Variants in SHTN1 observed in about 807,000 individuals in gnomAD.
SHTN1 encodes shootin-1.
Under a neutral mutation model 83.1 loss-of-function variants are expected in SHTN1, and 42 were observed. The observed-to-expected ratio is 0.51, with a 90% CI of 0.39 to 0.65. The LOEUF (loss-of-function observed/expected upper bound fraction) is 0.65. SHTN1 is among the 30% of genes least tolerant of loss of function. The probability of loss-of-function intolerance (pLI) is 0.00; values close to 1 mark genes in which losing one functional copy is unlikely to be tolerated. For missense variants in SHTN1, 622 were observed against 737.8 expected (o/e 0.84, Z 1.82); for synonymous variants, 224 against 247.7 (o/e 0.90, Z 0.90).
At chr10:116,924,150 C>G (rs914220655) in intron 11 of SHTN1, among the ~76,000 whole-genome samples, 1 of 152,112 alleles carries the variant, frequency 6.6e-6, no homozygotes, top group African/African-American at 2.4e-5. Flanking sequence ...GAAATAAGCA[C>G]ATTTTATTCT....
intron 2 of SHTN1, among the ~76,000 whole-genome samples, chr10:117,016,889 G>A (rs1852188519): frequency 1.3e-5 from 2 of 152,108 alleles, no homozygotes; most frequent in Admixed American, 1.3e-4. Context: ...ATGGGTTAAT[G>A]TACATATACA....
chr10:117,100,901 A>G (rs1216188638), intron 1 of SHTN1, among the ~76,000 whole-genome samples: 1 of 152,208 alleles, frequency 6.6e-6, no homozygotes. Flanking sequence ...GAGAGTAGTG[A>G]CTAACATAGA....
In SHTN1 at chr10:117,073,091, T is replaced by A. The variant is rs925131100; in HGVS notation, c.-188-24581A>T. ...GCTCTGGAAAGTCTCAGCAATAGAA[T>A]TGAACAAGTAAAAGAAAGAAATTCA... is the stretch of plus-strand genomic sequence containing the variant. On this transcript the variant is annotated intron_variant, in intron 1 of 17. Coordinates refer to the SHTN1 transcript ENST00000392901. Among the ~76,000 whole-genome samples the A allele has an allele frequency of 2.0e-5, 3 of 152,230 alleles. No homozygotes were observed. In the East Asian group the frequency reaches 5.8e-4, roughly 29 times the overall value.
intron 3 of SHTN1, among the ~76,000 whole-genome samples, chr10:116,963,008 T>C (rs1488494719): frequency 7.0e-6 from 1 of 142,248 alleles, no homozygotes; most frequent in African/African-American, 2.6e-5. Flanking sequence ...AATATGTAAA[T>C]TTATTTGCAC....
In SHTN1 at chr10:116,885,387, T is replaced by G. The variant is rs544487042; in HGVS notation, c.*957A>C. 10 of 152,748 alleles carry G rather than the reference T, an allele frequency of 6.5e-5. No individual in the cohort carries two copies. The East Asian group carries it at 1.9e-3, about 29-fold the overall frequency. The allele number at this position is 152,748 out of a possible 1,614,324, so 9.5% of individuals were successfully genotyped here. On this transcript the variant is annotated 3_prime_UTR_variant, in exon 17 of 17. Coordinates refer to ENST00000355371, the MANE Select transcript of SHTN1 (RefSeq NM_001127211.3). The stretch of plus-strand genomic sequence containing the variant: ...TTTTAATCCCTGATTACATTTCTAT[T>G]TATTCACTGTGGTAGCCTGAAACAT...
chr10:116,905,208 CAAAA>C (rs772309175), intron 15 of SHTN1, among the ~76,000 whole-genome samples: 1 of 63,416 alleles, frequency 1.6e-5, no homozygotes. Context: ...GACTCCGTCT[CAAAA>C]AAAAAAAAAA....
At position 116,884,194 on chromosome 10, in the gene SHTN1, T is replaced by C. The variant is rs1847100257; in HGVS notation, c.*2150A>G. ...TTTGTGTGTGCAATAGCTATGAACATACCTTGCAGATATAAGCACGGTTCT... is the reference window on the plus strand; with the variant it reads ...TTTGTGTGTGCAATAGCTATGAACACACCTTGCAGATATAAGCACGGTTCT... On this transcript the variant is annotated 3_prime_UTR_variant, in exon 17 of 17. Transcript: ENST00000355371. The C allele has an allele frequency of 4.4e-6, 2 of 456,692 alleles. No homozygotes were observed. The highest frequency in any genetic ancestry group is 2.0e-5 in the African/African-American group (1 of 50,092). The allele number at this position is 456,692 out of a possible 1,614,324, so 28.3% of individuals were successfully genotyped here. A position where few individuals can be genotyped will look rare whatever the true frequency, so the allele number is the denominator to read the frequency against.
chr10:116,915,031 C>G (rs762111268), intron 13 of SHTN1, among the ~76,000 whole-genome samples: 1 of 152,132 alleles, frequency 6.6e-6, no homozygotes, highest in South Asian at 2.1e-4. Flanking sequence ...AAAACAGCAT[C>G]TGGCACATAG....
At chr10:117,057,924 T>C (rs1459589432) in intron 1 of SHTN1, among the ~76,000 whole-genome samples, 1 of 152,142 alleles carries the variant, frequency 6.6e-6, no homozygotes, top group East Asian at 1.9e-4. Flanking sequence ...GACTATTCAA[T>C]AGGGAAAGGA....
chr10:116,881,494 CTTTA>C lies in SHTN1; in HGVS notation c.*4846_*4849del. ...TGGCACCATTGGATTAGACAGTAAA[CTTTA>C]TTGTTACTTTAAATAGGTTTCAAAG... On this transcript the variant is annotated 3_prime_UTR_variant, in exon 17 of 17. Transcript: ENST00000355371. The C allele has an allele frequency of 1.3e-6, 2 of 1,518,976 alleles. No homozygotes were observed. Among genetic ancestry groups the C allele is most frequent in the African/African-American group, 1.4e-5 (1 of 71,720 alleles). 94.1% of individuals were successfully genotyped at this position (1,518,976 alleles called of 1,614,324 possible).
intron 2 of SHTN1, among the ~76,000 whole-genome samples, chr10:117,038,832 A>AT (rs1431139646): frequency 6.6e-6 from 1 of 152,254 alleles, no homozygotes; most frequent in African/African-American, 2.4e-5. Flanking sequence ...AATCCAGAAC[A>AT]CTGACGATAC....
intron 12 of SHTN1, among the ~76,000 whole-genome samples, chr10:116,920,815 C>T (rs117863782): frequency 0.024 from 3,701 of 152,112 alleles, 69 homozygotes; most frequent in South Asian, 0.046. Flanking sequence ...ACACTTTGGA[C>T]CTTTGAATCC....
chr10:117,038,174 T>C (rs535091722), intron 2 of SHTN1, among the ~76,000 whole-genome samples: 2 of 152,106 alleles, frequency 1.3e-5, no homozygotes, highest in Admixed American at 6.6e-5. Flanking sequence ...AGGGTCATGC[T>C]CTGTCACCCA....
intron 1 of SHTN1, among the ~76,000 whole-genome samples, chr10:117,094,112 C>A (rs774362999): frequency 1.3e-5 from 2 of 152,144 alleles, no homozygotes; most frequent in African/African-American, 2.4e-5. Context: ...GGGCACAACT[C>A]CGTTGCTCTG....
At chr10:117,082,845 A>C (rs1853291179) in intron 1 of SHTN1, among the ~76,000 whole-genome samples, 2 of 151,600 alleles carry the variant, frequency 1.3e-5, no homozygotes, top group African/African-American at 4.8e-5. Flanking sequence ...CTTATCAGAG[A>C]CTAGGATTGC....
chr10:116,904,273 T>G (rs1010760672), intron 15 of SHTN1, among the ~76,000 whole-genome samples: 2 of 152,198 alleles, frequency 1.3e-5, no homozygotes, highest in Non-Finnish European at 2.9e-5. Context: ...CTTTCTTGCT[T>G]ACTTTCCCCC....
At chr10:116,959,592 T>G (rs1386937941) in intron 4 of SHTN1, among the ~76,000 whole-genome samples, 2 of 152,230 alleles carry the variant, frequency 1.3e-5, no homozygotes, top group Non-Finnish European at 2.9e-5. Context: ...AATAATGTAC[T>G]TCTGATGAGA....
intron 1 of SHTN1, among the ~76,000 whole-genome samples, chr10:117,056,575 C>A (rs567592407): frequency 2.0e-5 from 3 of 152,002 alleles, no homozygotes; most frequent in Non-Finnish European, 2.9e-5. Flanking sequence ...TTTGGGAGGC[C>A]GAGGCAGGTG....
chr10:117,041,276 C>G (rs1357270429), intron 2 of SHTN1, among the ~76,000 whole-genome samples: 2 of 152,128 alleles, frequency 1.3e-5, no homozygotes, highest in African/African-American at 4.8e-5. Flanking sequence ...TTTTCCCAAT[C>G]TAAGTATATC....
Sources: allele counts gnomAD v4.1 joint callset (sites outside exome capture counted in the v4.1 genomes callset), GRCh38; gene constraint gnomAD v4.1.1; transcripts MANE v1.5; gene names NCBI Gene and HGNC (gene_info 2026-07-23, HGNC 2026-07-21).